PPP2R5E: variants seen among roughly 807,000 people sequenced by gnomAD.
PPP2R5E encodes the protein serine/threonine-protein phosphatase 2A 56 kDa regulatory subunit epsilon isoform.
In PPP2R5E, 4 loss-of-function variants were observed where a neutral mutation model predicts 65.3. The ratio of observed to expected loss-of-function variants is 0.06; its 90% CI spans 0.03 to 0.14. The LOEUF (loss-of-function observed/expected upper bound fraction) is 0.14, where lower values mean the gene tolerates loss of function less well. PPP2R5E is among the 10% of genes least tolerant of loss of function. The pLI, the probability that PPP2R5E is intolerant of heterozygous loss-of-function variation, is 1.00. For missense variants in PPP2R5E, 274 were observed against 556.1 expected (o/e 0.49, Z 5.10); for synonymous variants, 183 against 187.4 (o/e 0.98, Z 0.19).
At chr14:63,407,567 AAT>A (rs948229496) in intron 5 of PPP2R5E, among the ~76,000 whole-genome samples, 4 of 152,136 alleles carry the variant, frequency 2.6e-5, no homozygotes, top group Non-Finnish European at 4.4e-5. Flanking sequence ...TTATATAAAA[AAT>A]AGAGATATCT....
intron 2 of PPP2R5E, among the ~76,000 whole-genome samples, chr14:63,503,770 A>G (rs1892022558): frequency 6.6e-6 from 1 of 152,198 alleles, no homozygotes; most frequent in Non-Finnish European, 1.5e-5. Flanking sequence ...CCAGAATTGC[A>G]TGGGGGCCTT....
At chr14:63,463,540 C>A (rs1459317861) in intron 2 of PPP2R5E, among the ~76,000 whole-genome samples, 1 of 151,754 alleles carries the variant, frequency 6.6e-6, no homozygotes, top group Admixed American at 6.6e-5. Flanking sequence ...ACTATGTTCC[C>A]TTATTAATAT....
intron 2 of PPP2R5E, among the ~76,000 whole-genome samples, chr14:63,467,208 G>A (rs57760311): frequency 0.25 from 34,309 of 134,830 alleles, 6,081 homozygotes; most frequent in African/African-American, 0.48. Flanking sequence ...GGGTGACAGA[G>A]CAAGACTCCG....
intron 4 of PPP2R5E, among the ~76,000 whole-genome samples, chr14:63,418,956 C>T (rs1018033226): frequency 2.7e-5 from 4 of 149,806 alleles, no homozygotes; most frequent in African/African-American, 7.4e-5. Flanking sequence ...AAGCAATTCT[C>T]GTGCCTCAGC....
At chr14:63,525,240 T>C (rs1438905583) in intron 2 of PPP2R5E, among the ~76,000 whole-genome samples, 1 of 152,188 alleles carries the variant, frequency 6.6e-6, no homozygotes, top group East Asian at 1.9e-4. Flanking sequence ...TCCTCCCAAA[T>C]TCTCCCAGGT....
chr14:63,401,959 G>A (rs898165887), intron 5 of PPP2R5E, among the ~76,000 whole-genome samples: 1 of 151,636 alleles, frequency 6.6e-6, no homozygotes, highest in African/African-American at 2.4e-5. Flanking sequence ...AGGAGGACTG[G>A]TTGAAAGTCT....
chr14:63,475,955 T>C (rs562805508), intron 2 of PPP2R5E, among the ~76,000 whole-genome samples: 2 of 152,322 alleles, frequency 1.3e-5, no homozygotes, highest in South Asian at 4.1e-4. Flanking sequence ...TACAGTGTCA[T>C]GAACAGCACT....
chr14:63,466,273 C>CA (rs550383242), intron 2 of PPP2R5E, among the ~76,000 whole-genome samples: 24,889 of 117,666 alleles, frequency 0.21, 2,213 homozygotes, highest in East Asian at 0.34. Flanking sequence ...TTTAAAAATA[C>CA]AAAAAAAAAA....
At chr14:63,444,279 T>C (rs1188140707) in intron 3 of PPP2R5E, among the ~76,000 whole-genome samples, 2 of 152,264 alleles carry the variant, frequency 1.3e-5, no homozygotes, top group African/African-American at 4.8e-5. Flanking sequence ...GCCACATTCA[T>C]CTTTTAATAC....
chr14:63,497,792 C>A (rs1234544652), intron 2 of PPP2R5E, among the ~76,000 whole-genome samples: 1 of 151,714 alleles, frequency 6.6e-6, no homozygotes, highest in Non-Finnish European at 1.5e-5. Context: ...ACAAAAAACA[C>A]ATGAACCTGC....
intron 3 of PPP2R5E, among the ~76,000 whole-genome samples, chr14:63,430,357 A>ACATACATACATG (rs1566696305): frequency 7.8e-6 from 1 of 128,182 alleles, no homozygotes; most frequent in African/African-American, 3.8e-5. Context: ...ATACATACAT[A>ACATACATACATG]CATACATACA....
At chr14:63,436,144 T>C (rs1454332716) in intron 3 of PPP2R5E, among the ~76,000 whole-genome samples, 2 of 152,182 alleles carry the variant, frequency 1.3e-5, no homozygotes, top group African/African-American at 2.4e-5. Flanking sequence ...AGAAGGTTAC[T>C]AAAACTGAAT....
intron 2 of PPP2R5E, among the ~76,000 whole-genome samples, chr14:63,503,635 TG>T (rs1249236208): frequency 6.6e-6 from 1 of 152,240 alleles, no homozygotes; most frequent in Non-Finnish European, 1.5e-5. Flanking sequence ...TTGTTTTAGA[TG>T]TTCTGTTTCA....
At chr14:63,450,165 C>T (rs992843373) in intron 3 of PPP2R5E, among the ~76,000 whole-genome samples, 5 of 152,134 alleles carry the variant, frequency 3.3e-5, no homozygotes, top group African/African-American at 7.2e-5. Flanking sequence ...CGTGAGCCAC[C>T]GCGCCCAGCG....
chr14:63,522,760 C>T (rs1226469859), intron 2 of PPP2R5E, among the ~76,000 whole-genome samples: 9 of 148,874 alleles, frequency 6.0e-5, no homozygotes, highest in East Asian at 2.0e-4. Context: ...GCCGCCCCGT[C>T]TGAGAAGTGA....
At chr14:63,405,036 G>A (rs1885986465) in intron 5 of PPP2R5E, among the ~76,000 whole-genome samples, 1 of 152,304 alleles carries the variant, frequency 6.6e-6, no homozygotes, top group Admixed American at 6.5e-5. Context: ...GCCCTTCTAA[G>A]CACAGGGCCC....
At position 63,375,175 on chromosome 14, in the gene PPP2R5E, AT is replaced by A. The variant is rs1883920269; in HGVS notation, c.*833del. The A allele has an allele frequency of 6.6e-6, 1 of 152,542 alleles. No individual in the cohort carries two copies. Among genetic ancestry groups the A allele is most frequent in the African/African-American group, 2.4e-5 (1 of 41,408 alleles). 9.4% of individuals were successfully genotyped at this position (152,542 alleles called of 1,614,324 possible). A position where few individuals can be genotyped will look rare whatever the true frequency, so the allele number is the denominator to read the frequency against. On this transcript the variant is annotated 3_prime_UTR_variant, in exon 14 of 14. Coordinates refer to ENST00000337537, the MANE Select transcript of PPP2R5E (RefSeq NM_006246.5). ...TGGTCCAAAAGGATGTTTTTCTCAC[AT>A]TTCTAAAACATCTCTGGTATGTGTG...
At chr14:63,530,031 T>C (rs1893347108) in intron 2 of PPP2R5E, among the ~76,000 whole-genome samples, 1 of 151,964 alleles carries the variant, frequency 6.6e-6, no homozygotes, top group African/African-American at 2.4e-5. Context: ...CTCTTAACTA[T>C]AGAGAGAGAA....
At chr14:63,437,227 C>T (rs985337542) in intron 3 of PPP2R5E, among the ~76,000 whole-genome samples, 1 of 152,160 alleles carries the variant, frequency 6.6e-6, no homozygotes, top group African/African-American at 2.4e-5. Context: ...TATCTCTTTC[C>T]CAGAAAACTC....
Sources: gnomAD v4.1 joint callset for allele counts (sites outside exome capture counted in the v4.1 genomes callset) on GRCh38, gnomAD v4.1.1 for gene constraint, MANE v1.5 for transcripts, NCBI Gene and HGNC (gene_info 2026-07-23, HGNC 2026-07-21) for gene names.